CFTR: variants seen among roughly 807,000 people sequenced by gnomAD.
CFTR encodes the protein CF transmembrane conductance regulator, also known as cystic fibrosis transmembrane conductance regulator.
A neutral mutation model predicts 171.6 loss-of-function variants in CFTR; 181 were observed. That is an observed-to-expected ratio of 1.05 (90% CI 0.93 to 1.19). The LOEUF (loss-of-function observed/expected upper bound fraction) is 1.19. CFTR is among the 50% of genes most tolerant of loss of function. The pLI, the probability that CFTR is intolerant of heterozygous loss-of-function variation, is 0.00. For synonymous variants in CFTR, 583 were observed against 608.0 expected (o/e 0.96, Z 0.60); for missense variants, 1,968 against 1,734.7 (o/e 1.13, Z -2.39).
intron 11 of CFTR, among the ~76,000 whole-genome samples, chr7:117,570,459 T>C (rs1418382493): frequency 6.6e-6 from 1 of 152,118 alleles, no homozygotes; most frequent in Admixed American, 6.6e-5. Flanking sequence ...AAACAATATT[T>C]TAGGAATTTT....
chr7:117,485,205 T>C (rs1010492810), intron 1 of CFTR, among the ~76,000 whole-genome samples: 57 of 152,202 alleles, frequency 3.7e-4, no homozygotes, highest in African/African-American at 1.3e-3. Flanking sequence ...AATATAAGTA[T>C]AGTATTGCAA....
intron 2 of CFTR, among the ~76,000 whole-genome samples, chr7:117,505,046 T>C (rs976897040): frequency 6.6e-6 from 1 of 152,182 alleles, no homozygotes; most frequent in Non-Finnish European, 1.5e-5. Context: ...GGCTACTGGT[T>C]ATCAAACAAA....
intron 1 of CFTR, among the ~76,000 whole-genome samples, chr7:117,502,877 T>C (rs532846794): frequency 6.6e-6 from 1 of 152,330 alleles, no homozygotes; most frequent in African/African-American, 2.4e-5. Flanking sequence ...TATTAATATC[T>C]TAGTAAGGAA....
chr7:117,517,179 G>A (rs1798608174), intron 3 of CFTR, among the ~76,000 whole-genome samples: 1 of 152,008 alleles, frequency 6.6e-6, no homozygotes, highest in Non-Finnish European at 1.5e-5. Flanking sequence ...TCTACATTAG[G>A]TATTTCTCCT....
intron 17 of CFTR, among the ~76,000 whole-genome samples, chr7:117,605,884 G>A (rs1584818904): frequency 6.6e-6 from 1 of 152,062 alleles, no homozygotes; most frequent in East Asian, 1.9e-4. Flanking sequence ...CAGTTTATGG[G>A]GGGTAAATGA....
chr7:117,592,657 G>A lies in CFTR; in HGVS notation c.2490G>A (p.Lys830=). The change falls in exon 14 of 27, where the codon AAG becomes AAA. Residue 830 remains lysine, a splice_region_variant and synonymous_variant. Transcript: ENST00000003084. ...ISEEINEEDL[K]ECFFDDMESI... is the part of the protein sequence containing the mutation. ...AAGAAATTAACGAAGAAGACTTAAA[G>A]GTAGGTATACATCGCTTGGGGGTAT... The A allele has an allele frequency of 6.5e-7, 1 of 1,537,622 alleles. No individual in the cohort carries two copies. The highest frequency in any genetic ancestry group is 8.7e-7 in the Non-Finnish European group (1 of 1,149,564).
In CFTR at chr7:117,642,271, G is replaced by A. The variant is rs575417804; in HGVS notation, c.3718-167G>A. Among the ~76,000 whole-genome samples the A allele has an allele frequency of 2.6e-5, 4 of 152,292 alleles. No individual in the cohort carries two copies. In the East Asian group the frequency reaches 7.7e-4, roughly 29 times the overall value. On this transcript the variant is annotated intron_variant, in intron 22 of 26. Transcript: ENST00000003084. ...TTGTTTGTCTCCATATATCAACATT[G>A]GTCAGGATTGAAAGTGTGCAACAAG... is the stretch of plus-strand genomic sequence containing the variant.
Position 117,536,568 on chromosome 7 carries a change from T to C in CFTR, c.764T>C (p.Ile255Thr). Reference sequence around the variant, plus strand: ...TACAGAGATCAGAGAGCTGGGAAGATCAGTGAAAGACTTGTGATTACCTCA... The same window carrying C: ...TACAGAGATCAGAGAGCTGGGAAGACCAGTGAAAGACTTGTGATTACCTCA... ...MKYRDQRAGK[I>T]SERLVITSEM... The change falls in exon 7 of 27, where the codon ATC becomes ACC. Residue 255 changes from isoleucine (I) to threonine (T), a missense_variant. Coordinates refer to ENST00000003084, the MANE Select transcript of CFTR (RefSeq NM_000492.4). 6.3e-7 allele frequency: 1 copy of C among 1,598,072 alleles called. No individual in the cohort carries two copies. Among genetic ancestry groups the C allele is most frequent in the Non-Finnish European group, 8.5e-7 (1 of 1,170,912 alleles).
chr7:117,485,467 A>G (rs1798060204), intron 1 of CFTR, among the ~76,000 whole-genome samples: 1 of 152,178 alleles, frequency 6.6e-6, no homozygotes. Context: ...ATTATCATGG[A>G]GGAAAACATT....
At chr7:117,529,285 A>G (rs1204825470) in intron 3 of CFTR, among the ~76,000 whole-genome samples, 1 of 112,416 alleles carries the variant, frequency 8.9e-6, no homozygotes, top group Non-Finnish European at 1.7e-5. Flanking sequence ...CAAACACCGC[A>G]TATTCTCACT....
intron 17 of CFTR, chr7:117,605,129 G>C (rs1164400675): frequency 6.6e-6 from 1 of 152,148 alleles, no homozygotes; most frequent in African/African-American, 2.4e-5. Flanking sequence ...TCCCACAGAG[G>C]GTGCACTGGC....
intron 3 of CFTR, among the ~76,000 whole-genome samples, chr7:117,530,631 A>G (rs1798843832): frequency 6.6e-6 from 1 of 152,168 alleles, no homozygotes; most frequent in African/African-American, 2.4e-5. Flanking sequence ...CAGAAACTAT[A>G]CTTTTTATTT....
intron 2 of CFTR, 104 bp from the exon 3 acceptor site, chr7:117,508,930 T>A (rs1798465764): frequency 1.3e-6 from 1 of 791,782 alleles, no homozygotes; most frequent in Admixed American, 1.8e-5. Context: ...CTTGGGTTAA[T>A]CTCCTTGGAT....
chr7:117,627,742 T>C lies in CFTR; in HGVS notation c.3689T>C (p.Ile1230Thr), dbSNP rs775263210. Residue 1230 changes from isoleucine to threonine, a missense_variant, in exon 22 of 27, where the codon ATT becomes ACT. By Grantham distance (89) the Ile-to-Thr change is moderately conservative. Coordinates refer to ENST00000003084, the MANE Select transcript of CFTR (RefSeq NM_000492.4). ...GGTGGAAATGCCATATTAGAGAACATTTCCTTCTCAATAAGTCCTGGCCAG... is the reference window on the plus strand; with the variant it reads ...GGTGGAAATGCCATATTAGAGAACACTTCCTTCTCAATAAGTCCTGGCCAG... The part of the protein sequence containing the change: ...TEGGNAILEN[I>T]SFSISPGQRV... 29 of 1,612,570 alleles carry C rather than the reference T, an allele frequency of 1.8e-5. No homozygotes were observed. The South Asian group carries it at 3.0e-4, about 16-fold the overall frequency.
At position 117,641,277 on chromosome 7, in the gene CFTR, A is replaced by G. The variant is rs768114379; in HGVS notation, c.3718-1161A>G. 2.0e-5 allele frequency among the ~76,000 whole-genome samples: 3 copies of G among 152,174 alleles called. No individual in the cohort carries two copies. In the South Asian group the frequency reaches 6.2e-4, roughly 32 times the overall value. ...GGTTGTTATGTACTCTAAAACATTT[A>G]TTGTGGTCCCTTCACTGGTTCTGGT... is the stretch of plus-strand genomic sequence containing the variant. On this transcript the variant is annotated intron_variant, in intron 22 of 26. Coordinates refer to ENST00000003084, the MANE Select transcript of CFTR (RefSeq NM_000492.4).
intron 3 of CFTR, among the ~76,000 whole-genome samples, chr7:117,521,459 G>A (rs181006787): frequency 4.6e-5 from 7 of 151,982 alleles, no homozygotes; most frequent in Admixed American, 3.9e-4. Flanking sequence ...GGTTAATAAT[G>A]TATCTTTATA....
intron 11 of CFTR, among the ~76,000 whole-genome samples, chr7:117,565,273 C>T (rs1052227393): frequency 6.6e-6 from 1 of 152,094 alleles, no homozygotes; most frequent in Admixed American, 6.6e-5. Context: ...TTTACTTATC[C>T]CTTATGAGAT....
Position 117,592,280 on chromosome 7 carries a change from A to G in CFTR, c.2113A>G (p.Ile705Val), listed in dbSNP as rs745538406. The G allele has an allele frequency of 6.2e-6, 10 of 1,614,072 alleles. No individual in the cohort carries two copies. Among genetic ancestry groups the G allele is most frequent in the East Asian group, 2.2e-5 (1 of 44,892 alleles). The change falls in exon 14 of 27, where the codon ATC (isoleucine) becomes GTC (valine). Residue 705 changes from isoleucine to valine, a missense_variant. Ile to Val is a conservative substitution (Grantham distance 29, BLOSUM62 3). Transcript: ENST00000003084. ...EKRKNSILNPINSIRKFSIVQ... is the reference protein window; with the variant it reads ...EKRKNSILNPVNSIRKFSIVQ... ...AAGGAAGAATTCTATTCTCAATCCA[A>G]TCAACTCTATACGAAAATTTTCCAT... is the stretch of plus-strand genomic sequence containing the variant.
rs539250417 is a variant in CFTR at position 117,602,554 on chromosome 7, GT to G, written c.2620-269del. Among the ~76,000 whole-genome samples the G allele has an allele frequency of 1.1e-4, 16 of 152,320 alleles. No individual in the cohort carries two copies. In the South Asian group the frequency reaches 3.3e-3, roughly 32 times the overall value. ...CTTGGCTTTCTTGTGAGGTTCAATA[GT>G]TTCTATTGAGTAAAGGAGAGAAATG... On this transcript the variant is annotated intron_variant, in intron 15 of 26. Coordinates refer to ENST00000003084, the MANE Select transcript of CFTR (RefSeq NM_000492.4).
Sources: gnomAD v4.1 joint callset for allele counts (sites outside exome capture counted in the v4.1 genomes callset) on GRCh38, gnomAD v4.1.1 for gene constraint, MANE v1.5 for transcripts, NCBI Gene and HGNC (gene_info 2026-07-23, HGNC 2026-07-21) for gene names.